Variants in CASZ1 observed in about 807,000 individuals in gnomAD.
The protein encoded by CASZ1 is castor zinc finger 1, also known as zinc finger protein castor homolog 1.
CASZ1 carries 28 observed loss-of-function variants against 135.2 expected under a neutral mutation model. The ratio of observed to expected loss-of-function variants is 0.21; its 90% CI spans 0.15 to 0.28. The LOEUF (loss-of-function observed/expected upper bound fraction) is 0.28, where lower values mean the gene tolerates loss of function less well. Among genes scored for constraint, CASZ1 ranks in the 10% least tolerant of loss-of-function variants. The pLI, the probability that CASZ1 is intolerant of heterozygous loss-of-function variation, is 1.00. For missense variants in CASZ1, 2,161 were observed against 2,453.3 expected, an observed-to-expected ratio of 0.88 and a Z score of 2.52; for synonymous variants, 1,068 against 1,073.4, an observed-to-expected ratio of 0.99 and a Z score of 0.10.
chr1:10,759,182 C>A lies in CASZ1; in HGVS notation c.-77+1519G>T, dbSNP rs1029399907. On this transcript the variant is annotated intron_variant, in intron 2 of 20. Transcript: ENST00000377022. This position sits in a 1 kb window ranked among gnomAD's most constrained non-coding sequence, Gnocchi z 4.2. The stretch of plus-strand genomic sequence containing the variant: ...ACTCACAGCCTCTTCATGGGCAGGG[C>A]ACAGGGCAGGGCTGGGCAAGACCAC... Among the ~76,000 whole-genome samples, 1 of 152,168 alleles carries A rather than the reference C, an allele frequency of 6.6e-6. No individual in the cohort carries two copies. The highest frequency in any genetic ancestry group is 6.5e-5 in the Admixed American group (1 of 15,286).
intron 1 of CASZ1, among the ~76,000 whole-genome samples, chr1:10,782,055 T>C (rs919602222): frequency 6.6e-6 from 1 of 152,234 alleles, no homozygotes; most frequent in Non-Finnish European, 1.5e-5. Context: ...GTTGTAATTC[T>C]GCCAAAACAA....
intron 2 of CASZ1, among the ~76,000 whole-genome samples, chr1:10,715,964 C>A (rs1639380720): frequency 7.0e-6 from 1 of 143,662 alleles, no homozygotes; most frequent in South Asian, 2.3e-4. Flanking sequence ...CCCACAGCAC[C>A]CAATCCGCTC....
chr1:10,788,421 C>A lies in CASZ1; in HGVS notation c.-234+8143G>T, dbSNP rs1640896248. ...TCCTGGAGAATTGGAAAGAAGCCCA[C>A]CAGAGCAGGGGGCCCTAGAGGGTCC... On this transcript the variant is annotated intron_variant, in intron 1 of 20. Transcript: ENST00000377022. This position sits in a 1 kb window ranked among gnomAD's most constrained non-coding sequence, Gnocchi z 4.1. Among the ~76,000 whole-genome samples, 1 of 152,134 alleles carries A rather than the reference C, an allele frequency of 6.6e-6. No individual in the cohort carries two copies. The highest frequency in any genetic ancestry group is 1.5e-5 in the Non-Finnish European group (1 of 68,010).
rs1640069005 is a variant in CASZ1 at position 10,747,652 on chromosome 1, G to T, written c.-77+13049C>A. The stretch of plus-strand genomic sequence containing the variant: ...AACCTGCCTTGTGACATCAAAGGCT[G>T]ACATCAAAGGCTGCAGGGTCGACCA... On this transcript the variant is annotated intron_variant, in intron 2 of 20. Transcript: ENST00000377022. This position sits in a 1 kb window ranked among gnomAD's most constrained non-coding sequence, Gnocchi z 4.3. 6.6e-6 allele frequency among the ~76,000 whole-genome samples: 1 copy of T among 152,116 alleles called. No homozygotes were observed. Among genetic ancestry groups the T allele is most frequent in the African/African-American group, 2.4e-5 (1 of 41,414 alleles).
Position 10,642,872 on chromosome 1 carries a change from C to G in CASZ1, c.4149G>C (p.Glu1383Asp), listed in dbSNP as rs750255554. 1 of 1,612,850 alleles carries G rather than the reference C, an allele frequency of 6.2e-7. No individual in the cohort carries two copies. The highest frequency in any genetic ancestry group is 2.2e-5 in the East Asian group (1 of 44,872). The change falls in exon 20 of 21, where the codon GAG becomes GAC. Residue 1383 changes from glutamate to aspartate, a missense_variant. Coordinates refer to ENST00000377022, the MANE Select transcript of CASZ1 (RefSeq NM_001079843.3). Reference sequence around the variant, plus strand: ...CCTGCCGCTCACCTGCCGCGGTGCTCTCGTTACCCACGGGGGTGCTGGAGC... The same window carrying G: ...CCTGCCGCTCACCTGCCGCGGTGCTGTCGTTACCCACGGGGGTGCTGGAGC... ...RSCSSTPVGN[E>D]STAAGNTISM...
At chr1:10,786,486 T>C (rs1640861554) in intron 1 of CASZ1, among the ~76,000 whole-genome samples, 1 of 152,112 alleles carries the variant, frequency 6.6e-6, no homozygotes, top group South Asian at 2.1e-4. Context: ...CTCTCCCAGT[T>C]CCCCTCTCCA....
At chr1:10,642,717 C>T in intron 20 of CASZ1, 142 bp downstream of exon 20, 1 of 909,032 alleles carries the variant, frequency 1.1e-6, no homozygotes, top group Non-Finnish European at 1.6e-6. Flanking sequence ...CCCAGTCCCA[C>T]AGACCAGCTG....
chr1:10,714,907 C>T (rs1303764395), intron 2 of CASZ1, among the ~76,000 whole-genome samples: 2 of 152,138 alleles, frequency 1.3e-5, no homozygotes, highest in Admixed American at 1.3e-4. Context: ...CAGCATTGGC[C>T]CTCCCCAAGC....
chr1:10,689,994 C>T (rs1328820832), intron 4 of CASZ1, among the ~76,000 whole-genome samples: 3 of 152,236 alleles, frequency 2.0e-5, no homozygotes, highest in Non-Finnish European at 2.9e-5. Flanking sequence ...CCCCAGAGCA[C>T]CTACCCCCTG....
chr1:10,652,495 C>A (rs1399469530), intron 11 of CASZ1: 1 of 152,230 alleles, frequency 6.6e-6, no homozygotes, highest in Non-Finnish European at 1.5e-5. Context: ...ACGGAACTCT[C>A]CTCAAGGATT....
chr1:10,707,192 A>G lies in CASZ1; in HGVS notation c.-76-1648T>C, dbSNP rs573544051. ...TCCTGTGGACCCCCAAAGCCCCCCA[A>G]CTCCACAACTCTGGTATCTCCCTTC... On this transcript the variant is annotated intron_variant, in intron 2 of 20. Transcript: ENST00000377022. The surrounding 1 kb of genome is among the most constrained non-coding windows in gnomAD (Gnocchi z 5.0). 4.0e-5 allele frequency among the ~76,000 whole-genome samples: 6 copies of G among 151,118 alleles called. No homozygotes were observed. The highest frequency in any genetic ancestry group is 2.0e-4 in the Admixed American group (3 of 15,250).
At chr1:10,683,889 G>A (rs557570543) in intron 4 of CASZ1, among the ~76,000 whole-genome samples, 1 of 152,328 alleles carries the variant, frequency 6.6e-6, no homozygotes, top group African/African-American at 2.4e-5. Context: ...TACACATCGG[G>A]GCCAGAGATG....
In CASZ1 at chr1:10,646,335, A is replaced by T; in HGVS notation, c.3498-9T>A. 1 of 1,613,610 alleles carries T rather than the reference A, an allele frequency of 6.2e-7. No individual in the cohort carries two copies. The highest frequency in any genetic ancestry group is 1.1e-5 in the South Asian group (1 of 91,004). ...TGGCGAGGCAAGGATCGCTGGAAGG[A>T]AACCACAGCCCAGAAGGTCATTGCC... On this transcript the variant is annotated splice_polypyrimidine_tract_variant and intron_variant, in intron 16 of 20. Transcript: ENST00000377022. The surrounding 1 kb of genome is among the most constrained non-coding windows in gnomAD (Gnocchi z 6.4).
In CASZ1 at chr1:10,755,684, C is replaced by A. The variant is rs182027063; in HGVS notation, c.-77+5017G>T. Among the ~76,000 whole-genome samples the A allele has an allele frequency of 6.6e-6, 1 of 152,060 alleles. No individual in the cohort carries two copies. Among genetic ancestry groups the A allele is most frequent in the Non-Finnish European group, 1.5e-5 (1 of 68,002 alleles). The stretch of plus-strand genomic sequence containing the variant: ...GAGGAAGGAGGCCCAGGCTGGGGTT[C>A]GGCACCACCAGGTGGAACACTTGCC... On this transcript the variant is annotated intron_variant, in intron 2 of 20. Transcript: ENST00000377022. This position sits in a 1 kb window ranked among gnomAD's most constrained non-coding sequence, Gnocchi z 4.3.
rs1171351783 is a variant in CASZ1 at position 10,701,320 on chromosome 1, A to G, written c.-24+4172T>C. 6.6e-6 allele frequency among the ~76,000 whole-genome samples: 1 copy of G among 152,122 alleles called. No individual in the cohort carries two copies. Among genetic ancestry groups the G allele is most frequent in the Non-Finnish European group, 1.5e-5 (1 of 68,012 alleles). The stretch of plus-strand genomic sequence containing the variant: ...TGTCTCGCAGACACTCATATTCTCC[A>G]TGTGCAGCAGACCGTGAATTCACCT... On this transcript the variant is annotated intron_variant, in intron 3 of 20. Transcript: ENST00000377022. The surrounding 1 kb of genome is among the most constrained non-coding windows in gnomAD (Gnocchi z 6.3).
intron 15 of CASZ1, chr1:10,648,740 G>C (rs944556147): frequency 1.0e-5 from 3 of 297,318 alleles, no homozygotes; most frequent in Non-Finnish European, 1.3e-5. Context: ...GGTCACAGCC[G>C]AGTCTCTCCA....
Position 10,794,670 on chromosome 1 carries a change from G to A in CASZ1, c.-234+1894C>T, listed in dbSNP as rs968565151. On this transcript the variant is annotated intron_variant, in intron 1 of 20. Coordinates refer to ENST00000377022, the MANE Select transcript of CASZ1 (RefSeq NM_001079843.3). The surrounding 1 kb of genome is among the most constrained non-coding windows in gnomAD (Gnocchi z 5.6). ...CCCTGCCTCCCTCAGCGCTCCACTAGCCTCCCCCAACTCCGGACCCGGGTC... is the reference window on the plus strand; with the variant it reads ...CCCTGCCTCCCTCAGCGCTCCACTAACCTCCCCCAACTCCGGACCCGGGTC... Among the ~76,000 whole-genome samples the A allele has an allele frequency of 3.9e-5, 6 of 152,220 alleles. No individual in the cohort carries two copies. Among genetic ancestry groups the A allele is most frequent in the Non-Finnish European group, 8.8e-5 (6 of 68,026 alleles).
In CASZ1 at chr1:10,781,389, G is replaced by A. The variant is rs986917282; in HGVS notation, c.-234+15175C>T. Among the ~76,000 whole-genome samples, 7 of 152,222 alleles carry A rather than the reference G, an allele frequency of 4.6e-5. 1 individual carries two copies. The South Asian group carries it at 6.2e-4, about 13-fold the overall frequency. On this transcript the variant is annotated intron_variant, in intron 1 of 20. Transcript: ENST00000377022. The stretch of plus-strand genomic sequence containing the variant: ...GGGCAAGGGCCACACTCCCGTCTGC[G>A]AGGAGAAGCCAAGGAGAACCAAGAT...
chr1:10,648,451 C>T, intron 15 of CASZ1: 1 of 330,696 alleles, frequency 3.0e-6, no homozygotes, highest in Non-Finnish European at 5.5e-6. Context: ...CCTTCCAGAA[C>T]CTGCTCGGAG....
Sources: allele counts gnomAD v4.1 joint callset (sites outside exome capture counted in the v4.1 genomes callset), GRCh38; gene constraint gnomAD v4.1.1; non-coding constraint Gnocchi (gnomAD v3.1); transcripts MANE v1.5; gene names NCBI Gene and HGNC (gene_info 2026-07-23, HGNC 2026-07-21).